The following ZNF324B variants were observed in gnomAD, a reference collection of about 807,000 sequenced individuals.
ZNF324B encodes the protein zinc finger protein 324B.
ZNF324B carries 7 observed loss-of-function variants against 10.6 expected under a neutral mutation model. The ratio of observed to expected loss-of-function variants is 0.66; its 90% confidence interval spans 0.38 to 1.24. The LOEUF (loss-of-function observed/expected upper bound fraction) is 1.24, where lower values mean the gene tolerates loss of function less well. Among genes scored for constraint, ZNF324B ranks in the 50% most tolerant of loss-of-function variants. ZNF324B has a pLI of 0.02. For missense variants in ZNF324B, 640 were observed against 764.7 expected (o/e 0.84, Z 1.92); for synonymous variants, 316 against 321.0 (o/e 0.98, Z 0.17).
the ZNF324B span, among the ~76,000 whole-genome samples, chr19:58,426,561 G>A: frequency 6.6e-6 from 1 of 152,170 alleles, no homozygotes; most frequent in Admixed American, 6.5e-5. Context: ...TGGCACCCTT[G>A]GCCTTAATCT....
intron 3 of ZNF324B, chr19:58,454,911 C>T (rs547006902): frequency 3.3e-6 from 2 of 604,084 alleles, no homozygotes; most frequent in East Asian, 3.0e-5. Context: ...ACGTGGGTGG[C>T]ACGCAGCAGC....
chr19:58,434,045 C>T, the ZNF324B span: 1 of 1,614,090 alleles, frequency 6.2e-7, no homozygotes, highest in Non-Finnish European at 8.5e-7. Flanking sequence ...TGGCTGAAGT[C>T]TCTTCCACAT....
upstream of ZNF324B, among the ~76,000 whole-genome samples, chr19:58,448,995 C>T (rs972952243): frequency 1.3e-5 from 2 of 152,184 alleles, no homozygotes; most frequent in African/African-American, 4.8e-5. Context: ...TGTCAGAGAC[C>T]TTTGTGGCAG....
chr19:58,427,442 C>T, the ZNF324B span, among the ~76,000 whole-genome samples: 2 of 78,958 alleles, frequency 2.5e-5, no homozygotes, highest in African/African-American at 8.9e-5. Context: ...TTCCTTCCTT[C>T]CTTTCCTTTC....
the ZNF324B span, chr19:58,418,873 G>A: frequency 6.6e-6 from 1 of 152,236 alleles, no homozygotes; most frequent in African/African-American, 2.4e-5. Flanking sequence ...GCCTTCCAAA[G>A]TGCTGGTATT....
chr19:58,456,554 C>T lies in ZNF324B; in HGVS notation c.1610C>T (p.Pro537Leu). 2.5e-6 allele frequency: 4 copies of T among 1,614,106 alleles called. No individual in the cohort carries two copies. The highest frequency in any genetic ancestry group is 2.2e-5 in the East Asian group (1 of 44,884). The part of the protein sequence containing the change: ...RKVRRGGKPS[P>L]VLKPAKV ...GTGCGCCGGGGAGGGAAGCCAAGCCCAGTCCTGAAGCCAGCGAAGGTCTGA... is the reference window on the plus strand; with the variant it reads ...GTGCGCCGGGGAGGGAAGCCAAGCCTAGTCCTGAAGCCAGCGAAGGTCTGA... Residue 537 changes from proline to leucine, a missense_variant, in exon 4 of 4, where the codon CCA becomes CTA. Physicochemically the swap from Pro to Leu is moderately conservative, Grantham distance 98 (BLOSUM62 -3). Transcript: ENST00000336614. The surrounding 1 kb of genome is among the most constrained non-coding windows in gnomAD (Gnocchi z 4.7).
In ZNF324B at chr19:58,456,805, CAG is replaced by C; in HGVS notation, c.*229_*230del. 1 of 605,450 alleles carries C rather than the reference CAG, an allele frequency of 1.7e-6. No homozygotes were observed. The highest frequency in any genetic ancestry group is 2.9e-6 in the Non-Finnish European group (1 of 347,098). The allele number at this position is 605,450 out of a possible 1,614,324, so 37.5% of individuals were successfully genotyped here. ...CAAAGAGGTAACACTGCAGAAACAT[CAG>C]AGGGAGGACATGTCAGCTGGAACTC... On this transcript the variant is annotated 3_prime_UTR_variant, in exon 4 of 4. Transcript: ENST00000336614. The surrounding 1 kb of genome is among the most constrained non-coding windows in gnomAD (Gnocchi z 4.7).
Position 58,455,263 on chromosome 19 carries a change from A to G in ZNF324B, c.319A>G (p.Thr107Ala). Residue 107 changes from threonine (T) to alanine (A), a missense_variant, in exon 4 of 4, where the codon ACT becomes GCT. Transcript: ENST00000336614. This position sits in a 1 kb window ranked among gnomAD's most constrained non-coding sequence, Gnocchi z 7.0. ...CCCAGATACCCCACCTGGGATGACTACTAGCGTCTTCCCAGTTGCCGATGC... is the reference window on the plus strand; with the variant it reads ...CCCAGATACCCCACCTGGGATGACTGCTAGCGTCTTCCCAGTTGCCGATGC... ...AFPDTPPGMT[T>A]SVFPVADACH... The G allele has an allele frequency of 6.2e-7, 1 of 1,614,206 alleles. No homozygotes were observed. Among genetic ancestry groups the G allele is most frequent in the Non-Finnish European group, 8.5e-7 (1 of 1,180,034 alleles).
the ZNF324B span, among the ~76,000 whole-genome samples, chr19:58,424,553 A>G: frequency 3.9e-5 from 6 of 152,360 alleles, no homozygotes; most frequent in Admixed American, 3.9e-4. Context: ...CACATTTATT[A>G]GAATCGTTAA....
chr19:58,441,299 T>C, the ZNF324B span: 2 of 152,432 alleles, frequency 1.3e-5, no homozygotes, highest in Non-Finnish European at 2.9e-5. Flanking sequence ...GTGGTTGTAG[T>C]GGGGCTGGAA....
the ZNF324B span, chr19:58,419,252 C>T: frequency 6.6e-6 from 1 of 152,218 alleles, no homozygotes; most frequent in Non-Finnish European, 1.5e-5. Flanking sequence ...TGTTCCAGAA[C>T]TTCCAGCATT....
chr19:58,425,451 TCTTC>T, the ZNF324B span, among the ~76,000 whole-genome samples: 9,273 of 149,830 alleles, frequency 0.062, 442 homozygotes, highest in Middle Eastern at 0.12. Flanking sequence ...CTGTCTTCCT[TCTTC>T]CTTCCTTCCT....
upstream of ZNF324B, among the ~76,000 whole-genome samples, chr19:58,449,747 C>T (rs956768333): frequency 1.8e-4 from 28 of 152,312 alleles, no homozygotes; most frequent in African/African-American, 4.1e-4. Flanking sequence ...ATTTATCCAA[C>T]GGCTGTACCC....
chr19:58,419,660 G>A, the ZNF324B span, among the ~76,000 whole-genome samples: 2 of 152,182 alleles, frequency 1.3e-5, no homozygotes, highest in African/African-American at 2.4e-5. Flanking sequence ...AGATTCTATA[G>A]TCCTGGGATG....
At position 58,455,108 on chromosome 19, in the gene ZNF324B, T is replaced by A; in HGVS notation, c.239-75T>A. ...TTGTCCCGGCTCCTGGGCTCCCCCTTGCCTGTCCACTCAGCCTGCCCTGGT... is the reference window on the plus strand; with the variant it reads ...TTGTCCCGGCTCCTGGGCTCCCCCTAGCCTGTCCACTCAGCCTGCCCTGGT... On this transcript the variant is annotated intron_variant, in intron 3 of 3. Transcript: ENST00000336614. The surrounding 1 kb of genome is among the most constrained non-coding windows in gnomAD (Gnocchi z 7.0). 6.3e-7 allele frequency: 1 copy of A among 1,598,442 alleles called. No individual in the cohort carries two copies.
the ZNF324B span, among the ~76,000 whole-genome samples, chr19:58,425,003 C>G: frequency 1.6e-4 from 25 of 152,118 alleles, no homozygotes; most frequent in Non-Finnish European, 1.9e-4. Flanking sequence ...TGGCTGTAAT[C>G]CCACCACTTT....
chr19:58,442,421 G>T, the ZNF324B span: 2 of 151,522 alleles, frequency 1.3e-5, no homozygotes, highest in African/African-American at 2.4e-5. Flanking sequence ...TGATCCACCC[G>T]CCTCGGCCTC....
upstream of ZNF324B, among the ~76,000 whole-genome samples, chr19:58,448,328 G>A (rs1403933778): frequency 6.6e-6 from 1 of 152,236 alleles, no homozygotes; most frequent in African/African-American, 2.4e-5. Context: ...AAGTTGTTGG[G>A]AACTGGAGTA....
At chr19:58,423,471 A>G in the ZNF324B span, among the ~76,000 whole-genome samples, 148 of 152,314 alleles carry the variant, frequency 9.7e-4, 1 homozygote, top group Middle Eastern at 0.014. Context: ...AAGAATTAAT[A>G]TTGTTAAAAT....
Sources: gnomAD v4.1 joint callset for allele counts (sites outside exome capture counted in the v4.1 genomes callset) on GRCh38, gnomAD v4.1.1 for gene constraint, Gnocchi (gnomAD v3.1) non-coding constraint, MANE v1.5 for transcripts, NCBI Gene and HGNC (gene_info 2026-07-23, HGNC 2026-07-21) for gene names.